RMDN2: variants seen among roughly 807,000 people sequenced by gnomAD.
RMDN2 encodes the protein regulator of microtubule dynamics protein 2.
A neutral mutation model predicts 52.8 loss-of-function variants in RMDN2; 61 were observed. The observed-to-expected ratio is 1.16, with a 90% CI of 0.94 to 1.43. The LOEUF (loss-of-function observed/expected upper bound fraction) is 1.43. RMDN2 is among the 40% of genes most tolerant of loss of function. The pLI is 0.00. For missense variants in RMDN2, 592 were observed against 475.3 expected, an observed-to-expected ratio of 1.25 and a Z score of -2.28; for synonymous variants, 180 against 153.1, an observed-to-expected ratio of 1.18 and a Z score of -1.30.
intron 7 of RMDN2, among the ~76,000 whole-genome samples, 193 bp from the exon 8 acceptor site, chr2:37,997,223 A>G (rs1675673269): frequency 6.6e-6 from 1 of 152,172 alleles, no homozygotes; most frequent in South Asian, 2.1e-4. Context: ...GGAAGGTAAA[A>G]TATTAACATG....
At chr2:37,936,796 C>T (rs964443301) in intron 2 of RMDN2, among the ~76,000 whole-genome samples, 9 of 152,086 alleles carry the variant, frequency 5.9e-5, no homozygotes, top group African/African-American at 1.9e-4. Context: ...AATATTAGCC[C>T]TTTGTCAGAC....
intron 10 of RMDN2, among the ~76,000 whole-genome samples, chr2:38,027,546 TTCA>T (rs1414890325): frequency 6.6e-6 from 1 of 152,238 alleles, no homozygotes; most frequent in Non-Finnish European, 1.5e-5. Flanking sequence ...TTTATAATGT[TTCA>T]AATGCTTCCA....
At chr2:38,060,820 G>A (rs1376598312) in intron 10 of RMDN2, among the ~76,000 whole-genome samples, 1 of 81,442 alleles carries the variant, frequency 1.2e-5, no homozygotes, top group Non-Finnish European at 2.8e-5. Context: ...AGCATGCTGG[G>A]TACACAGCAC....
intron 10 of RMDN2, among the ~76,000 whole-genome samples, chr2:38,038,789 G>T (rs1009950546): frequency 3.3e-5 from 5 of 152,098 alleles, no homozygotes; most frequent in South Asian, 4.1e-4. Flanking sequence ...ATTAGTAAGG[G>T]CAGAGACACT....
At chr2:38,032,791 A>T (rs1680302583) in intron 10 of RMDN2, 1 of 152,372 alleles carries the variant, frequency 6.6e-6, no homozygotes, top group Non-Finnish European at 1.5e-5. Context: ...GTGAGCCAAG[A>T]TCGCACCACT....
chr2:37,991,191 G>T, intron 6 of RMDN2, 29 bp from the exon 7 acceptor site: 1 of 1,336,418 alleles, frequency 7.5e-7, no homozygotes, highest in Non-Finnish European at 1.0e-6. Flanking sequence ...AAACTTGGGA[G>T]ATGATTTTCC....
At chr2:38,003,572 A>T (rs959105997) in intron 8 of RMDN2, among the ~76,000 whole-genome samples, 3 of 151,408 alleles carry the variant, frequency 2.0e-5, no homozygotes, top group Non-Finnish European at 4.4e-5. Context: ...AGATAGATAG[A>T]TAGATAGATA....
chr2:38,044,706 T>C (rs527982460), intron 10 of RMDN2, among the ~76,000 whole-genome samples: 4 of 152,262 alleles, frequency 2.6e-5, no homozygotes, highest in South Asian at 2.1e-4. Flanking sequence ...TCTATATTTT[T>C]GTTACAGCAT....
chr2:38,065,287 C>G, intron 10 of RMDN2, among the ~76,000 whole-genome samples: 1 of 151,504 alleles, frequency 6.6e-6, no homozygotes, highest in East Asian at 1.9e-4. Context: ...TTTGCTGGAA[C>G]ACGCAAACAA....
intron 10 of RMDN2, among the ~76,000 whole-genome samples, chr2:38,041,927 CTCTT>C (rs1229088299): frequency 2.6e-5 from 4 of 151,934 alleles, no homozygotes; most frequent in African/African-American, 9.7e-5. Context: ...TTCTTGTGCT[CTCTT>C]TGTCTGATTT....
chr2:38,013,999 G>A (rs1678379544), intron 10 of RMDN2, among the ~76,000 whole-genome samples: 1 of 152,128 alleles, frequency 6.6e-6, no homozygotes, highest in South Asian at 2.1e-4. Flanking sequence ...CTGAGGTCGG[G>A]AGTTCGAGAC....
At chr2:37,995,803 A>G (rs1675456819) in intron 7 of RMDN2, among the ~76,000 whole-genome samples, 1 of 152,234 alleles carries the variant, frequency 6.6e-6, no homozygotes, top group African/African-American at 2.4e-5. Context: ...TCATAATGCA[A>G]TTAAACTAAA....
chr2:38,060,611 G>A (rs1335215169), intron 10 of RMDN2, among the ~76,000 whole-genome samples: 1 of 152,180 alleles, frequency 6.6e-6, no homozygotes, highest in Non-Finnish European at 1.5e-5. Context: ...CAGGGGAGGT[G>A]CAGGAAAGAC....
At chr2:38,013,914 A>G (rs1290985823) in intron 10 of RMDN2, among the ~76,000 whole-genome samples, 1 of 152,182 alleles carries the variant, frequency 6.6e-6, no homozygotes, top group Non-Finnish European at 1.5e-5. Flanking sequence ...TTTTTAGAAA[A>G]TTAATAAGGC....
intron 10 of RMDN2, among the ~76,000 whole-genome samples, chr2:38,045,573 A>T (rs1329342192): frequency 1.4e-5 from 2 of 147,446 alleles, no homozygotes; most frequent in African/African-American, 2.5e-5. Flanking sequence ...AAATAATGAT[A>T]AAGCTAGATA....
At chr2:37,990,065 C>G (rs996300179) in intron 6 of RMDN2, among the ~76,000 whole-genome samples, 3 of 149,478 alleles carry the variant, frequency 2.0e-5, no homozygotes, top group African/African-American at 7.4e-5. Flanking sequence ...ATGGCATGAA[C>G]CTGGGGGGCG....
At chr2:38,020,900 C>T (rs370694737), downstream of RMDN2, among the ~76,000 whole-genome samples, 3 of 152,210 alleles carry the variant, frequency 2.0e-5, no homozygotes, top group East Asian at 1.9e-4. Context: ...GTGCGGCGCA[C>T]GGTACGGGAT....
intron 10 of RMDN2, among the ~76,000 whole-genome samples, chr2:38,043,179 A>G (rs528329251): frequency 6.6e-6 from 1 of 152,270 alleles, no homozygotes; most frequent in South Asian, 2.1e-4. Flanking sequence ...GTCTGTTGTT[A>G]TGTGTGTACA....
At chr2:37,970,039 C>T (rs570218533) in intron 2 of RMDN2, among the ~76,000 whole-genome samples, 7 of 152,000 alleles carry the variant, frequency 4.6e-5, no homozygotes, top group Admixed American at 3.3e-4. Flanking sequence ...CTCAAGCTAT[C>T]CTCTCACCTC....
Sources: gnomAD v4.1 joint callset for allele counts (sites outside exome capture counted in the v4.1 genomes callset) on GRCh38, gnomAD v4.1.1 for gene constraint, MANE v1.5 for transcripts, NCBI Gene and HGNC (gene_info 2026-07-23, HGNC 2026-07-21) for gene names.